The following ATF7IP variants were observed in gnomAD, a reference collection of about 807,000 sequenced individuals.
ATF7IP encodes the protein activating transcription factor 7-interacting protein 1.
Under a neutral mutation model 106.4 loss-of-function variants are expected in ATF7IP, and 23 were observed. The observed-to-expected ratio is 0.22, with a 90% CI of 0.16 to 0.31. The LOEUF is 0.31. ATF7IP is among the 10% of genes least tolerant of loss of function. The probability of loss-of-function intolerance (pLI) is 1.00; values close to 1 mark genes in which losing one functional copy is unlikely to be tolerated. For synonymous variants in ATF7IP, 542 were observed against 539.0 expected, an observed-to-expected ratio of 1.01 and a Z score of -0.08; for missense variants, 1,334 against 1,524.3, an observed-to-expected ratio of 0.88 and a Z score of 2.08.
intron 1 of ATF7IP, among the ~76,000 whole-genome samples, chr12:14,413,495 G>A (rs74069825): frequency 0.019 from 2,831 of 152,206 alleles, 91 homozygotes; most frequent in African/African-American, 0.065. Context: ...AAACTTAAAT[G>A]ATGAAATGCA....
chr12:14,447,099 G>T, intron 6 of ATF7IP, 46 bp downstream of exon 6: 1 of 1,410,688 alleles, frequency 7.1e-7, no homozygotes, highest in Non-Finnish European at 9.7e-7. Flanking sequence ...GCACTAAGTG[G>T]TAATCTTAGG....
intron 6 of ATF7IP, among the ~76,000 whole-genome samples, chr12:14,450,557 G>A (rs1943165204): frequency 6.6e-6 from 1 of 151,994 alleles, no homozygotes; most frequent in Admixed American, 6.6e-5. Flanking sequence ...GTTGAATTTG[G>A]TTTGCTAATA....
Position 14,377,379 on chromosome 12 carries a change from G to A in ATF7IP, c.-8+11552G>A, listed in dbSNP as rs112760847. On this transcript the variant is annotated intron_variant, in intron 1 of 14. Transcript: ENST00000261168. ...CCAATTTTTTTTTTTTTTTTGAGAC[G>A]TTGTCTTGCTGTGTCGCCCAGGCTG... 3.8e-5 allele frequency among the ~76,000 whole-genome samples: 5 copies of A among 130,996 alleles called. No homozygotes were observed. In the South Asian group the frequency reaches 9.8e-4, roughly 26 times the overall value. 85.9% of individuals were successfully genotyped at this position (130,996 alleles called of 152,430 possible).
intron 2 of ATF7IP, among the ~76,000 whole-genome samples, chr12:14,431,641 G>A (rs538539233): frequency 5.8e-4 from 88 of 152,070 alleles, no homozygotes; most frequent in Non-Finnish European, 1.2e-3. Flanking sequence ...TGATCCGCCC[G>A]CCTCGGCCTC....
intron 10 of ATF7IP, among the ~76,000 whole-genome samples, chr12:14,469,155 G>A (rs918667126): frequency 7.9e-5 from 12 of 152,064 alleles, no homozygotes; most frequent in Non-Finnish European, 1.5e-4. Flanking sequence ...CAGATCACTT[G>A]AGGTCAGGAG....
At chr12:14,484,076 A>T (rs549952347) in intron 13 of ATF7IP, among the ~76,000 whole-genome samples, 33 of 152,272 alleles carry the variant, frequency 2.2e-4, no homozygotes, top group Non-Finnish European at 3.8e-4. Context: ...GGTCCAGTAT[A>T]ATCAACCTGC....
At chr12:14,411,840 T>A (rs568762169) in intron 1 of ATF7IP, among the ~76,000 whole-genome samples, 8 of 152,188 alleles carry the variant, frequency 5.3e-5, no homozygotes, top group African/African-American at 1.7e-4. Context: ...TCTCTTTGGG[T>A]CATATCTAAG....
At chr12:14,385,205 G>C in intron 1 of ATF7IP, 1 of 498,954 alleles carries the variant, frequency 2.0e-6, no homozygotes, top group Admixed American at 3.6e-5. Context: ...CTGACAAAGT[G>C]GGAGGGGCTT....
intron 10 of ATF7IP, among the ~76,000 whole-genome samples, chr12:14,472,037 A>C (rs180694740): frequency 1.1e-3 from 173 of 152,288 alleles, no homozygotes; most frequent in Non-Finnish European, 2.1e-3. Context: ...AAGCCTTTAG[A>C]ATAAAAGTAT....
chr12:14,419,514 G>A (rs1941380147), intron 1 of ATF7IP, among the ~76,000 whole-genome samples: 3 of 152,050 alleles, frequency 2.0e-5, no homozygotes, highest in Non-Finnish European at 4.4e-5. Flanking sequence ...TGGCCTTTCA[G>A]TATTTTGAAA....
chr12:14,467,350 A>G (rs901939134), intron 10 of ATF7IP, among the ~76,000 whole-genome samples: 4 of 152,140 alleles, frequency 2.6e-5, no homozygotes, highest in Admixed American at 1.3e-4. Flanking sequence ...AAATATGACT[A>G]TTTTCTTTAA....
intron 1 of ATF7IP, chr12:14,385,347 C>T (rs1939170840): frequency 1.3e-6 from 2 of 1,530,054 alleles, no homozygotes; most frequent in South Asian, 2.4e-5. Context: ...TTTGTAGCTG[C>T]TTAGGCAGCA....
intron 13 of ATF7IP, chr12:14,481,424 CA>C: frequency 3.6e-6 from 2 of 550,604 alleles, no homozygotes; most frequent in South Asian, 2.2e-5. Flanking sequence ...TCACCACACA[CA>C]AAAAAGGTAA....
intron 1 of ATF7IP, among the ~76,000 whole-genome samples, chr12:14,386,353 A>G (rs1400937372): frequency 6.6e-6 from 1 of 152,140 alleles, no homozygotes; most frequent in Non-Finnish European, 1.5e-5. Context: ...GATAGCAGAA[A>G]AGGCATACTT....
intron 13 of ATF7IP, among the ~76,000 whole-genome samples, chr12:14,489,010 T>G (rs1302836076): frequency 1.3e-5 from 2 of 152,246 alleles, no homozygotes; most frequent in Non-Finnish European, 1.5e-5. Flanking sequence ...TATTGATGAC[T>G]ACCTTTTTCT....
intron 13 of ATF7IP, chr12:14,481,593 T>A (rs1565549665): frequency 1.2e-5 from 5 of 433,412 alleles, no homozygotes; most frequent in Non-Finnish European, 2.3e-5. Context: ...TCTATTATTA[T>A]TTTTCTTCCC....
intron 13 of ATF7IP, chr12:14,481,902 A>T (rs1591956032): frequency 6.3e-6 from 1 of 158,950 alleles, no homozygotes; most frequent in Non-Finnish European, 1.4e-5. Flanking sequence ...TTTCTTGTAT[A>T]TATCATATAT....
intron 9 of ATF7IP, among the ~76,000 whole-genome samples, chr12:14,461,746 CTG>C (rs772603370): frequency 1.3e-5 from 2 of 152,116 alleles, no homozygotes; most frequent in East Asian, 1.9e-4. Context: ...CTGCCAAACT[CTG>C]TGTCTTCCTA....
intron 1 of ATF7IP, among the ~76,000 whole-genome samples, chr12:14,376,894 C>G (rs1269606338): frequency 6.6e-6 from 1 of 151,954 alleles, no homozygotes; most frequent in Admixed American, 6.6e-5. Flanking sequence ...CCACTACACT[C>G]CAGCGTGGGT....
Sources: gnomAD v4.1 joint callset for allele counts (sites outside exome capture counted in the v4.1 genomes callset) on GRCh38, gnomAD v4.1.1 for gene constraint, MANE v1.5 for transcripts, NCBI Gene and HGNC (gene_info 2026-07-23, HGNC 2026-07-21) for gene names.